Variants in DNAH12 observed in about 807,000 individuals in gnomAD.
DNAH12 encodes the protein axonemal beta dynein heavy chain 12.
Under a neutral mutation model 371.5 loss-of-function variants are expected in DNAH12, and 285 were observed. The observed-to-expected ratio is 0.77, with a 90% confidence interval of 0.70 to 0.85. The LOEUF (loss-of-function observed/expected upper bound fraction) is 0.85. Among genes scored for constraint, DNAH12 ranks in the 40% least tolerant of loss-of-function variants. The pLI is 0.00. For missense variants in DNAH12, 3,611 were observed against 3,689.4 expected (o/e 0.98, Z 0.55); for synonymous variants, 1,200 against 1,213.0 (o/e 0.99, Z 0.22).
At chr3:57,440,455 G>T (rs6445880) in intron 29 of DNAH12, among the ~76,000 whole-genome samples, 2 of 152,052 alleles carry the variant, frequency 1.3e-5, no homozygotes, top group African/African-American at 4.8e-5. Context: ...GTTCTCACTT[G>T]TAAGTGGTAG....
chr3:57,324,382 T>C (rs2061881684), intron 62 of DNAH12, among the ~76,000 whole-genome samples: 2 of 152,240 alleles, frequency 1.3e-5, no homozygotes, highest in South Asian at 2.1e-4. Context: ...TGAATTGTTA[T>C]ATAAATCAGC....
At chr3:57,430,658 T>C (rs965319598) in intron 32 of DNAH12, among the ~76,000 whole-genome samples, 13 of 152,230 alleles carry the variant, frequency 8.5e-5, no homozygotes, top group Admixed American at 5.2e-4. Flanking sequence ...CATTAACTTT[T>C]AATAGTATTA....
intron 35 of DNAH12, among the ~76,000 whole-genome samples, chr3:57,424,724 G>T (rs1484007921): frequency 1.3e-5 from 2 of 149,604 alleles, no homozygotes; most frequent in African/African-American, 5.0e-5. Context: ...GGTGGAGGTT[G>T]TATTAAGCTG....
At chr3:57,486,475 A>G (rs771159636) in intron 12 of DNAH12, among the ~76,000 whole-genome samples, 37 of 152,174 alleles carry the variant, frequency 2.4e-4, no homozygotes, top group Admixed American at 1.4e-3. Flanking sequence ...AAATATCAGG[A>G]AAAAACCATG....
In DNAH12 at chr3:57,402,527, T is replaced by C. The variant is rs185014051; in HGVS notation, c.6948+782A>G. 22 of 936,608 alleles carry C rather than the reference T, an allele frequency of 2.3e-5. No homozygotes were observed. In the East Asian group the frequency reaches 1.1e-3, roughly 47 times the overall value. 58.0% of individuals were successfully genotyped at this position (936,608 alleles called of 1,614,324 possible). A position where few individuals can be genotyped will look rare whatever the true frequency, so the allele number is the denominator to read the frequency against. ...ATCTGCTAGAAACCATTTATTTATC[T>C]GAAATAAGTCCTCTCTGAACTGGAA... On this transcript the variant is annotated intron_variant, in intron 43 of 73. Coordinates refer to ENST00000495027, the MANE Select transcript of DNAH12 (RefSeq NM_001366028.2).
intron 65 of DNAH12, among the ~76,000 whole-genome samples, chr3:57,321,418 G>C (rs1466153799): frequency 6.6e-6 from 1 of 152,070 alleles, no homozygotes; most frequent in Non-Finnish European, 1.5e-5. Context: ...GTACATGTTG[G>C]GGTGAGGGCA....
rs2153307684 is a variant in DNAH12 at position 57,334,686 on chromosome 3, C to T, written c.9834-77G>A. ...GAGATTGTTGAACAAGGAGTAGAAA[C>T]CAGACAGCTATTTAAAACCATTTAA... On this transcript the variant is annotated intron_variant, in intron 61 of 73. Transcript: ENST00000495027. 2.7e-6 allele frequency: 4 copies of T among 1,507,646 alleles called. No individual in the cohort carries two copies. In the South Asian group the frequency reaches 5.3e-5, roughly 20 times the overall value. The allele number at this position is 1,507,646 out of a possible 1,614,324, so 93.4% of individuals were successfully genotyped here.
intron 62 of DNAH12, among the ~76,000 whole-genome samples, chr3:57,326,800 G>C (rs2061959360): frequency 6.6e-6 from 1 of 152,126 alleles, no homozygotes; most frequent in Non-Finnish European, 1.5e-5. Flanking sequence ...TCAGTGTGTT[G>C]TATTCAGGAA....
chr3:57,484,410 G>A lies in DNAH12; in HGVS notation c.1515-899C>T, dbSNP rs558077887. ...TTTTTCCTGTGCTTTAAAATATCTG[G>A]GCCAAACTAATCTTTGATAAAGCAT... On this transcript the variant is annotated intron_variant, in intron 12 of 73. Coordinates refer to ENST00000495027, the MANE Select transcript of DNAH12 (RefSeq NM_001366028.2). 2.1e-3 allele frequency among the ~76,000 whole-genome samples: 323 copies of A among 152,014 alleles called. 1 individual carries two copies. Among genetic ancestry groups the A allele is most frequent in the Non-Finnish European group, 3.9e-3 (262 of 67,980 alleles).
intron 2 of DNAH12, among the ~76,000 whole-genome samples, chr3:57,528,644 T>G (rs1435669896): frequency 6.7e-6 from 1 of 149,672 alleles, no homozygotes; most frequent in African/African-American, 2.5e-5. Flanking sequence ...GAGAATCCCT[T>G]GAACCCGGGA....
At chr3:57,478,188 C>T (rs551185257) in intron 13 of DNAH12, among the ~76,000 whole-genome samples, 3 of 152,130 alleles carry the variant, frequency 2.0e-5, no homozygotes, top group Admixed American at 6.5e-5. Flanking sequence ...AAAAATTAGA[C>T]GAATGGCTAA....
At chr3:57,304,988 A>AAAT (rs2061438550) in intron 69 of DNAH12, among the ~76,000 whole-genome samples, 1 of 151,960 alleles carries the variant, frequency 6.6e-6, no homozygotes, top group Admixed American at 6.6e-5. Context: ...GAAGAACTTA[A>AAAT]AACCTCTTCA....
chr3:57,418,157 T>C (rs1242411407), intron 37 of DNAH12, among the ~76,000 whole-genome samples: 1 of 103,418 alleles, frequency 9.7e-6, no homozygotes, highest in Non-Finnish European at 1.9e-5. Context: ...GCGACTTGTC[T>C]GAAATAAATA....
chr3:57,295,472 TCC>T lies in DNAH12; in HGVS notation c.11692+51_11692+52del, dbSNP rs1229999123. 4 of 1,483,304 alleles carry T rather than the reference TCC, an allele frequency of 2.7e-6. No individual in the cohort carries two copies. In the African/African-American group the frequency reaches 5.6e-5, roughly 21 times the overall value. 91.9% of individuals were successfully genotyped at this position (1,483,304 alleles called of 1,614,324 possible). ...TTATTTTGGGGAGCAGTGTATAATA[TCC>T]ATCCTTATTCTCCCTAAACTTCAAA... is the stretch of plus-strand genomic sequence containing the variant. On this transcript the variant is annotated intron_variant, in intron 73 of 73. Transcript: ENST00000495027.
At chr3:57,310,986 A>G (rs866695518) in intron 66 of DNAH12, 36 bp from the exon 67 acceptor site, 1 of 1,395,450 alleles carries the variant, frequency 7.2e-7, no homozygotes, top group Non-Finnish European at 9.9e-7. Flanking sequence ...GAAAAACCTT[A>G]AAGTATTTCA....
At chr3:57,548,734 CGAG>C (rs758292329), upstream of DNAH12, 3 of 151,644 alleles carry the variant, frequency 2.0e-5, no homozygotes, top group East Asian at 5.8e-4. Context: ...TGAAAACAAA[CGAG>C]GAAAGTTTTA....
intron 43 of DNAH12, among the ~76,000 whole-genome samples, chr3:57,397,432 G>A (rs2063767376): frequency 6.6e-6 from 1 of 152,200 alleles, no homozygotes; most frequent in Non-Finnish European, 1.5e-5. Flanking sequence ...CCTCAGGACA[G>A]AAGAAATATA....
At chr3:57,341,147 T>C (rs2062386581) in intron 60 of DNAH12, among the ~76,000 whole-genome samples, 2 of 150,954 alleles carry the variant, frequency 1.3e-5, no homozygotes, top group Admixed American at 1.3e-4. Flanking sequence ...AAAGGCTATA[T>C]AAGACAAACC....
intron 16 of DNAH12, among the ~76,000 whole-genome samples, chr3:57,469,441 A>T (rs1223764336): frequency 6.6e-6 from 1 of 152,192 alleles, no homozygotes; most frequent in Admixed American, 6.5e-5. Context: ...CAAAGAATTT[A>T]AAACAGAACT....
Sources: gnomAD v4.1 joint callset for allele counts (sites outside exome capture counted in the v4.1 genomes callset) on GRCh38, gnomAD v4.1.1 for gene constraint, MANE v1.5 for transcripts, NCBI Gene and HGNC (gene_info 2026-07-23, HGNC 2026-07-21) for gene names.